ATP6V1B2: variants seen among roughly 807,000 people sequenced by gnomAD.
ATP6V1B2 encodes the protein V-type proton ATPase subunit B, brain isoform.
In ATP6V1B2, 23 loss-of-function variants were observed where a neutral mutation model predicts 66.7. The observed-to-expected ratio is 0.34, with a 90% CI of 0.25 to 0.49. ATP6V1B2 has a LOEUF of 0.49. ATP6V1B2 is among the 20% of genes least tolerant of loss of function. ATP6V1B2 has a pLI of 0.99. For missense variants in ATP6V1B2, 478 were observed against 650.8 expected (o/e 0.73, Z 2.89); for synonymous variants, 278 against 236.7 (o/e 1.17, Z -1.60).
intron 5 of ATP6V1B2, 125 bp from the exon 6 acceptor site, chr8:20,211,049 AAAG>A: frequency 8.2e-7 from 1 of 1,223,264 alleles, no homozygotes; most frequent in East Asian, 2.8e-5. Context: ...TTTTTGTAGT[AAAG>A]AGATGCTTTA....
intron 13 of ATP6V1B2, among the ~76,000 whole-genome samples, chr8:20,219,292 C>A (rs557469663): frequency 1.3e-5 from 2 of 152,292 alleles, no homozygotes; most frequent in South Asian, 4.1e-4. Flanking sequence ...TTTGTCCCAT[C>A]ACCCTTGGCC....
intron 1 of ATP6V1B2, among the ~76,000 whole-genome samples, chr8:20,198,018 C>T (rs1014609330): frequency 2.0e-5 from 3 of 152,216 alleles, no homozygotes; most frequent in Non-Finnish European, 4.4e-5. Context: ...CGTGGTCAGG[C>T]CTTTCGTGGA....
At chr8:20,211,049 A>G (rs917331612) in intron 5 of ATP6V1B2, 128 bp from the exon 6 acceptor site, 3 of 1,223,264 alleles carry the variant, frequency 2.5e-6, no homozygotes, top group Non-Finnish European at 1.1e-6. Context: ...TTTTTGTAGT[A>G]AAGAGATGCT....
chr8:20,216,970 T>A (rs1448472754), intron 11 of ATP6V1B2: 1 of 411,284 alleles, frequency 2.4e-6, no homozygotes, highest in South Asian at 3.8e-5. Flanking sequence ...TTGAGTTTTT[T>A]AAAATAGTCT....
chr8:20,213,729 A>G (rs2072819376), intron 9 of ATP6V1B2: 1 of 152,048 alleles, frequency 6.6e-6, no homozygotes, highest in South Asian at 2.1e-4. Flanking sequence ...AATTTTGAGT[A>G]AGTTACTTTT....
chr8:20,216,140 C>A, intron 10 of ATP6V1B2: 1 of 248,470 alleles, frequency 4.0e-6, no homozygotes, highest in Non-Finnish European at 7.8e-6. Flanking sequence ...TGTTTAAGTT[C>A]AAGTTAACTG....
chr8:20,207,443 G>A (rs2072750379), intron 2 of ATP6V1B2, among the ~76,000 whole-genome samples: 1 of 152,080 alleles, frequency 6.6e-6, no homozygotes, highest in Middle Eastern at 3.2e-3. Context: ...TATAGAAAAG[G>A]AAACATAAGT....
At position 20,218,301 on chromosome 8, in the gene ATP6V1B2, T is replaced by TA. The variant is rs780920133; in HGVS notation, c.1396+20dup. The TA allele has an allele frequency of 6.2e-6, 10 of 1,605,522 alleles. No homozygotes were observed. The highest frequency in any genetic ancestry group is 8.5e-6 in the Non-Finnish European group (10 of 1,177,108). ...GCTCAGGGTAAGATGACTGTTGGCT[T>TA]ACAAACATAAAAAGCCTCATATGTA... On this transcript the variant is annotated intron_variant, in intron 13 of 13. Coordinates refer to ENST00000276390, the MANE Select transcript of ATP6V1B2 (RefSeq NM_001693.4).
In ATP6V1B2 at chr8:20,204,430, A is replaced by C. The variant is rs919539237; in HGVS notation, c.137-54A>C. On this transcript the variant is annotated intron_variant, in intron 1 of 13. Transcript: ENST00000276390. Reference sequence around the variant, plus strand: ...GATTTTTGGTAATGCCAGAGAGCTAATTTAAGCTTTTGTGCTATTTGACTA... The same window carrying C: ...GATTTTTGGTAATGCCAGAGAGCTACTTTAAGCTTTTGTGCTATTTGACTA... 4 of 1,510,064 alleles carry C rather than the reference A, an allele frequency of 2.6e-6. No homozygotes were observed. In the Admixed American group the frequency reaches 6.9e-5, roughly 26 times the overall value. 93.5% of individuals were successfully genotyped at this position (1,510,064 alleles called of 1,614,324 possible). A position where few individuals can be genotyped will look rare whatever the true frequency, so the allele number is the denominator to read the frequency against.
In ATP6V1B2 at chr8:20,218,274, T is replaced by A; in HGVS notation, c.1388T>A (p.Ile463Asn). 6.2e-7 allele frequency: 1 copy of A among 1,613,198 alleles called. No individual in the cohort carries two copies. The highest frequency in any genetic ancestry group is 8.5e-7 in the Non-Finnish European group (1 of 1,179,332). Reference protein sequence around the residue: ...EFLQKFERNFIAQGPYENRTV... With the variant: ...EFLQKFERNFNAQGPYENRTV... ...CTGCAGAAGTTTGAGAGGAACTTCA[T>A]TGCTCAGGGTAAGATGACTGTTGGC... Residue 463 changes from isoleucine to asparagine, a missense_variant, in exon 13 of 14, where the codon ATT becomes AAT. Coordinates refer to ENST00000276390, the MANE Select transcript of ATP6V1B2 (RefSeq NM_001693.4).
intron 6 of ATP6V1B2, 150 bp from the exon 7 acceptor site, chr8:20,211,501 CA>C: frequency 7.9e-7 from 1 of 1,258,792 alleles, no homozygotes. Flanking sequence ...CATATCTTTG[CA>C]AAAAGTACAA....
intron 1 of ATP6V1B2, among the ~76,000 whole-genome samples, chr8:20,199,084 T>A (rs2072657695): frequency 6.6e-6 from 1 of 152,232 alleles, no homozygotes; most frequent in Non-Finnish European, 1.5e-5. Context: ...CAGTGTCAAT[T>A]CAGAGAATAT....
intron 1 of ATP6V1B2, among the ~76,000 whole-genome samples, chr8:20,200,107 A>G (rs1321980163): frequency 6.6e-6 from 1 of 151,902 alleles, no homozygotes; most frequent in African/African-American, 2.4e-5. Context: ...GGCTCAAGCG[A>G]TCCTCCCACC....
chr8:20,198,220 A>T (rs1427055747), intron 1 of ATP6V1B2, among the ~76,000 whole-genome samples: 1 of 152,218 alleles, frequency 6.6e-6, no homozygotes, highest in Non-Finnish European at 1.5e-5. Flanking sequence ...CATGCTTCAG[A>T]CACTTAATTA....
At chr8:20,210,496 A>G (rs930131096) in intron 4 of ATP6V1B2, 57 bp downstream of exon 4, 8 of 1,606,806 alleles carry the variant, frequency 5.0e-6, no homozygotes, top group East Asian at 2.2e-5. Context: ...ACATATTTCC[A>G]TAATGTCTTT....
intron 1 of ATP6V1B2, among the ~76,000 whole-genome samples, chr8:20,200,029 G>A (rs1014487357): frequency 2.0e-5 from 3 of 151,492 alleles, no homozygotes; most frequent in African/African-American, 7.3e-5. Flanking sequence ...TTGAGACAGG[G>A]TCTCACTCTG....
At chr8:20,218,310 A>G in intron 13 of ATP6V1B2, 28 bp downstream of exon 13, 3 of 1,603,580 alleles carry the variant, frequency 1.9e-6, no homozygotes, top group Non-Finnish European at 2.6e-6. Context: ...TTACAAACAT[A>G]AAAAGCCTCA....
chr8:20,220,795 G>C lies in ATP6V1B2; in HGVS notation c.*393G>C, dbSNP rs2072899682. The stretch of plus-strand genomic sequence containing the variant: ...GCTTTGGTCTCTACATTAGGGGCAA[G>C]ATCCAGTCTGAGAGAAGTCTCCTTT... On this transcript the variant is annotated 3_prime_UTR_variant, in exon 14 of 14. Transcript: ENST00000276390. 1 of 155,948 alleles carries C rather than the reference G, an allele frequency of 6.4e-6. No homozygotes were observed. Among genetic ancestry groups the C allele is most frequent in the South Asian group, 2.0e-4 (1 of 4,922 alleles). The allele number at this position is 155,948 out of a possible 1,614,324, so 9.7% of individuals were successfully genotyped here. A position where few individuals can be genotyped will look rare whatever the true frequency, so the allele number is the denominator to read the frequency against.
At chr8:20,199,300 C>G (rs1389939978) in intron 1 of ATP6V1B2, among the ~76,000 whole-genome samples, 1 of 152,182 alleles carries the variant, frequency 6.6e-6, no homozygotes, top group African/African-American at 2.4e-5. Context: ...TCCCCACTGC[C>G]TAGCACAGTG....
Sources: allele counts gnomAD v4.1 joint callset (sites outside exome capture counted in the v4.1 genomes callset), GRCh38; gene constraint gnomAD v4.1.1; transcripts MANE v1.5; gene names NCBI Gene and HGNC (gene_info 2026-07-23, HGNC 2026-07-21).